C12orf56: variants seen among roughly 807,000 people sequenced by gnomAD.
C12orf56 encodes chromosome 12 open reading frame 56.
In C12orf56, 71 loss-of-function variants were observed where a neutral mutation model predicts 69.9. That is an observed-to-expected ratio of 1.02 (90% CI 0.84 to 1.24). The LOEUF (loss-of-function observed/expected upper bound fraction) is 1.24. Ranked by LOEUF, C12orf56 falls within the 50% of genes most tolerant of loss-of-function variation. The pLI, the probability that C12orf56 is intolerant of heterozygous loss-of-function variation, is 0.00. For missense variants in C12orf56, 732 were observed against 738.5 expected (o/e 0.99, Z 0.10); for synonymous variants, 276 against 274.1 (o/e 1.01, Z -0.07).
At chr12:64,316,122 T>C (rs2038688673) in intron 4 of C12orf56, among the ~76,000 whole-genome samples, 1 of 152,096 alleles carries the variant, frequency 6.6e-6, no homozygotes, top group Non-Finnish European at 1.5e-5. Flanking sequence ...ATATTTTTTT[T>C]CAGACAGAGT....
At chr12:64,350,931 CA>C (rs1187857180) in intron 2 of C12orf56, among the ~76,000 whole-genome samples, 1 of 129,000 alleles carries the variant, frequency 7.8e-6, no homozygotes, top group Non-Finnish European at 1.8e-5. Context: ...AATTATATTT[CA>C]AAACTTATAC....
intron 10 of C12orf56, 139 bp from the exon 11 acceptor site, chr12:64,275,114 C>G: frequency 1.2e-6 from 1 of 841,178 alleles, no homozygotes. Context: ...TAGATGAGCA[C>G]TTAAGAGCAA....
intron 9 of C12orf56, among the ~76,000 whole-genome samples, chr12:64,277,009 A>AAAAAAAAAAAAC (rs1483582212): frequency 1.2e-4 from 18 of 149,706 alleles, no homozygotes; most frequent in Non-Finnish European, 2.5e-4. Context: ...AAAAAAAAAA[A>AAAAAAAAAAAAC]AAAAAAATTA....
At chr12:64,285,932 T>TG (rs746359235) in intron 7 of C12orf56, 22 bp downstream of exon 7, 8 of 1,473,424 alleles carry the variant, frequency 5.4e-6, no homozygotes, top group Non-Finnish European at 7.4e-6. Flanking sequence ...AAAAAATCGA[T>TG]GATTATCTAG....
chr12:64,370,675 T>G (rs556308503), intron 1 of C12orf56, among the ~76,000 whole-genome samples: 91 of 151,816 alleles, frequency 6.0e-4, no homozygotes, highest in Non-Finnish European at 5.0e-4. Flanking sequence ...AGATGCTAAT[T>G]GCACCAAGTT....
intron 1 of C12orf56, among the ~76,000 whole-genome samples, chr12:64,372,402 C>G (rs1234101641): frequency 6.6e-6 from 1 of 152,166 alleles, no homozygotes. Context: ...TATTCCATGG[C>G]AATATTTTAT....
rs114014572 is a variant in C12orf56, at chr12:64,381,262, G to A, written c.252+9052C>T. Among the ~76,000 whole-genome samples the A allele has an allele frequency of 7.2e-3, 1,098 of 152,220 alleles. 20 individuals carry two copies. Among genetic ancestry groups the A allele is most frequent in the African/African-American group, 0.024 (1,005 of 41,530 alleles). ...AAGATCAGACAACTCAGTTTATCCT[G>A]TCTGCGTGGTGCCAGCCAATTCATC... On this transcript the variant is annotated intron_variant, in intron 1 of 12. Transcript: ENST00000543942.
chr12:64,346,986 T>C (rs1032856280), intron 2 of C12orf56, among the ~76,000 whole-genome samples: 7 of 151,898 alleles, frequency 4.6e-5, no homozygotes, highest in African/African-American at 9.7e-5. Context: ...TTACATTTTT[T>C]TTTTTGAGAT....
intron 2 of C12orf56, chr12:64,338,827 C>G: frequency 1.0e-6 from 1 of 975,366 alleles, no homozygotes; most frequent in Non-Finnish European, 1.6e-6. Flanking sequence ...GAGCAGCAGG[C>G]TCGAGTTTAG....
chr12:64,346,224 C>G (rs2039139090), intron 2 of C12orf56, among the ~76,000 whole-genome samples: 1 of 152,112 alleles, frequency 6.6e-6, no homozygotes, highest in Non-Finnish European at 1.5e-5. Flanking sequence ...AGACCGAGTT[C>G]AAAACTGAAG....
intron 6 of C12orf56, among the ~76,000 whole-genome samples, chr12:64,293,603 C>T (rs1318899181): frequency 6.6e-6 from 1 of 152,092 alleles, no homozygotes; most frequent in African/African-American, 2.4e-5. Context: ...TAGCACATAA[C>T]ACATAGCACA....
intron 2 of C12orf56, among the ~76,000 whole-genome samples, chr12:64,349,235 A>G (rs1005177748): frequency 6.6e-6 from 1 of 152,240 alleles, no homozygotes; most frequent in Non-Finnish European, 1.5e-5. Context: ...TCTCAAAAGA[A>G]GATACACAAA....
At chr12:64,280,839 C>A (rs1204929810) in intron 8 of C12orf56, among the ~76,000 whole-genome samples, 1 of 152,324 alleles carries the variant, frequency 6.6e-6, no homozygotes, top group Non-Finnish European at 1.5e-5. Context: ...AACACCTCAA[C>A]TGAAACCTCG....
chr12:64,345,477 ACACATTCC>A (rs1307246085), intron 2 of C12orf56, among the ~76,000 whole-genome samples: 1 of 152,188 alleles, frequency 6.6e-6, no homozygotes, highest in Non-Finnish European at 1.5e-5. Context: ...GGGTCCTCCC[ACACATTCC>A]CATTCCAAGT....
Position 64,274,929 on chromosome 12 carries a change from A to G in C12orf56, c.1556T>C (p.Met519Thr). 7.4e-6 allele frequency: 12 copies of G among 1,612,698 alleles called. No homozygotes were observed. The highest frequency in any genetic ancestry group is 8.5e-6 in the Non-Finnish European group (10 of 1,178,908). The stretch of plus-strand genomic sequence containing the variant: ...GGGAGGACAGCTTTGTAGAAAGGAC[A>G]TTATCCAGCTAATAGCAAACTTTGT... ...GSTKFAISWI[M>T]SFLQSCPPII... Residue 519 changes from methionine (M) to threonine (T), a missense_variant, in exon 11 of 13, where the codon ATG becomes ACG. Transcript: ENST00000543942.
chr12:64,303,921 C>A, intron 5 of C12orf56, 142 bp from the exon 6 acceptor site: 1 of 987,838 alleles, frequency 1.0e-6, no homozygotes. Context: ...CCTTAATACT[C>A]ACCAGTAGTG....
At chr12:64,323,843 C>T (rs1263779069) in intron 3 of C12orf56, among the ~76,000 whole-genome samples, 1 of 152,074 alleles carries the variant, frequency 6.6e-6, no homozygotes, top group Non-Finnish European at 1.5e-5. Flanking sequence ...TTTTATTTTT[C>T]TAAATTGGAG....
At chr12:64,289,354 C>A (rs2038257860) in intron 6 of C12orf56, among the ~76,000 whole-genome samples, 1 of 127,438 alleles carries the variant, frequency 7.8e-6, no homozygotes, top group African/African-American at 2.9e-5. Context: ...CTTCTCCTGC[C>A]TAATTGCCCT....
chr12:64,373,294 A>C (rs2039598321), intron 1 of C12orf56, among the ~76,000 whole-genome samples: 1 of 152,156 alleles, frequency 6.6e-6, no homozygotes, highest in South Asian at 2.1e-4. Flanking sequence ...GTCTCTACAA[A>C]AAATATGAAA....
Sources: gnomAD v4.1 joint callset for allele counts (sites outside exome capture counted in the v4.1 genomes callset) on GRCh38, gnomAD v4.1.1 for gene constraint, MANE v1.5 for transcripts, NCBI Gene and HGNC (gene_info 2026-07-23, HGNC 2026-07-21) for gene names.